Variants in DZIP3 observed in about 807,000 individuals in gnomAD.
The protein encoded by DZIP3 is DAZ interacting zinc finger protein 3, also known as E3 ubiquitin-protein ligase DZIP3.
In DZIP3, 118 loss-of-function variants were observed where a neutral mutation model predicts 162.0. The observed-to-expected ratio is 0.73, with a 90% CI of 0.63 to 0.85. The LOEUF (loss-of-function observed/expected upper bound fraction) is 0.85, where lower values mean the gene tolerates loss of function less well. DZIP3 is among the 40% of genes least tolerant of loss of function. The pLI, the probability that DZIP3 is intolerant of heterozygous loss-of-function variation, is 0.00. For synonymous variants in DZIP3, 438 were observed against 458.6 expected, an observed-to-expected ratio of 0.96 and a Z score of 0.57; for missense variants, 1,331 against 1,407.0, an observed-to-expected ratio of 0.95 and a Z score of 0.86.
At chr3:108,676,029 G>A (rs759422007) in intron 25 of DZIP3, among the ~76,000 whole-genome samples, 156 bp downstream of exon 25, 1 of 152,040 alleles carries the variant, frequency 6.6e-6, no homozygotes, top group Admixed American at 6.6e-5. Flanking sequence ...CATGTGGTTG[G>A]TTGTAGATAA....
chr3:108,639,124 A>G (rs968152694), intron 12 of DZIP3, among the ~76,000 whole-genome samples: 1 of 152,260 alleles, frequency 6.6e-6, no homozygotes, highest in Non-Finnish European at 1.5e-5. Flanking sequence ...TACTTAGATT[A>G]CAGTAGATGT....
At chr3:108,613,729 A>G (rs1940849256) in intron 4 of DZIP3, among the ~76,000 whole-genome samples, 1 of 152,180 alleles carries the variant, frequency 6.6e-6, no homozygotes, top group African/African-American at 2.4e-5. Flanking sequence ...AAAATTGGCC[A>G]TATGCTAGGT....
At chr3:108,686,759 A>G (rs773504067) in intron 28 of DZIP3, among the ~76,000 whole-genome samples, 175 bp downstream of exon 28, 1 of 152,184 alleles carries the variant, frequency 6.6e-6, no homozygotes, top group African/African-American at 2.4e-5. Flanking sequence ...ACAGTGTTCA[A>G]TGGTGAACCT....
At chr3:108,663,348 G>C (rs1943527770) in intron 21 of DZIP3, among the ~76,000 whole-genome samples, 1 of 152,072 alleles carries the variant, frequency 6.6e-6, no homozygotes, top group African/African-American at 2.4e-5. Context: ...CTTGAGGTTG[G>C]GAGTTCGAAA....
intron 5 of DZIP3, among the ~76,000 whole-genome samples, chr3:108,624,162 C>T (rs75414357): frequency 0.036 from 5,411 of 152,172 alleles, 322 homozygotes; most frequent in African/African-American, 0.12. Flanking sequence ...GTGTTGGTGA[C>T]GATTGTTGGA....
chr3:108,653,522 T>C (rs1210581242), intron 18 of DZIP3, among the ~76,000 whole-genome samples: 1 of 141,794 alleles, frequency 7.1e-6, no homozygotes, highest in African/African-American at 2.7e-5. Context: ...TATATATATA[T>C]ATATATATAT....
chr3:108,685,125 G>A (rs75989171), intron 27 of DZIP3, among the ~76,000 whole-genome samples: 2,141 of 151,980 alleles, frequency 0.014, 54 homozygotes, highest in African/African-American at 0.048. Flanking sequence ...TATTATTGTC[G>A]AGGCTACCTG....
chr3:108,679,315 G>A (rs1469332369), intron 26 of DZIP3, among the ~76,000 whole-genome samples: 2 of 152,086 alleles, frequency 1.3e-5, no homozygotes, highest in Non-Finnish European at 2.9e-5. Context: ...GACAAACATA[G>A]TCAAACCTTG....
chr3:108,620,301 A>G (rs895984795), intron 5 of DZIP3, among the ~76,000 whole-genome samples: 10 of 152,158 alleles, frequency 6.6e-5, no homozygotes, highest in Non-Finnish European at 1.3e-4. Context: ...AAAATTCCAC[A>G]CTTCCAGAAG....
At position 108,634,882 on chromosome 3, in the gene DZIP3, G is replaced by A. The variant is rs1034930283; in HGVS notation, c.828G>A (p.Gln276=). The change falls in exon 10 of 33, where the codon CAG becomes CAA. Residue 276 remains glutamine (Q), a synonymous_variant. Coordinates refer to ENST00000361582, the MANE Select transcript of DZIP3 (RefSeq NM_014648.4). ...LKNTSYKGFF[Q]LMCSKSCCVY... is the part of the protein sequence containing the mutation. ...TTATTTTTTTCCAGGGATTTTTTCA[G>A]TTAATGTGCAGTAAAAGTTGCTGTG... 3 of 1,603,228 alleles carry A rather than the reference G, an allele frequency of 1.9e-6. No homozygotes were observed. The highest frequency in any genetic ancestry group is 2.7e-5 in the African/African-American group (2 of 74,376).
chr3:108,656,764 A>T lies in DZIP3; in HGVS notation c.2199+2454A>T, dbSNP rs187426533. Among the ~76,000 whole-genome samples the T allele has an allele frequency of 3.9e-3, 588 of 152,310 alleles. 2 individuals carry two copies. The highest frequency in any genetic ancestry group is 0.01 in the Middle Eastern group (3 of 294). On this transcript the variant is annotated intron_variant, in intron 19 of 32. Coordinates refer to ENST00000361582, the MANE Select transcript of DZIP3 (RefSeq NM_014648.4). ...TTGAAAAAAATTAGACGAATGGCTA[A>T]CTAGAATAACCAATACAGAGAAGTC...
chr3:108,689,128 C>G (rs1333672462), intron 31 of DZIP3, among the ~76,000 whole-genome samples: 1 of 152,116 alleles, frequency 6.6e-6, no homozygotes, highest in Admixed American at 6.6e-5. Flanking sequence ...CTCCATCCAC[C>G]CTACAGAAGA....
Position 108,600,234 on chromosome 3 carries a change from G to C in DZIP3, c.-72-5101G>C, listed in dbSNP as rs550473462. Among the ~76,000 whole-genome samples, 3 of 152,268 alleles carry C rather than the reference G, an allele frequency of 2.0e-5. No individual in the cohort carries two copies. In the East Asian group the frequency reaches 5.8e-4, roughly 29 times the overall value. ...GTTAACAGACCCATGATCTTCTGGA[G>C]TACATTTAATTCAATGTTGAGTTAG... On this transcript the variant is annotated intron_variant, in intron 1 of 32. Transcript: ENST00000361582.
chr3:108,644,837 C>A, intron 14 of DZIP3, 56 bp downstream of exon 14: 1 of 1,517,976 alleles, frequency 6.6e-7, no homozygotes, highest in Non-Finnish European at 8.9e-7. Context: ...AATGTCTGCT[C>A]TGTGCCAGGC....
Position 108,677,069 on chromosome 3 carries a change from C to T in DZIP3, c.2782-428C>T, listed in dbSNP as rs370651760. On this transcript the variant is annotated intron_variant, in intron 25 of 32. Coordinates refer to ENST00000361582, the MANE Select transcript of DZIP3 (RefSeq NM_014648.4). ...AAGTAATCTCTAAAATTTTTCCTTC[C>T]GTTTTTAAAATGAACATTTGCAAGT... 7.8e-4 allele frequency among the ~76,000 whole-genome samples: 119 copies of T among 152,120 alleles called. No individual in the cohort carries two copies. In the South Asian group the frequency reaches 0.017, roughly 22 times the overall value.
chr3:108,626,109 G>C, intron 7 of DZIP3, 140 bp downstream of exon 7: 1 of 997,996 alleles, frequency 1.0e-6, no homozygotes, highest in East Asian at 2.7e-5. Context: ...TATTTGTATA[G>C]ATAATTTCTT....
rs1431426486 is a variant in DZIP3, at chr3:108,693,793, A to T, written c.*440A>T. On this transcript the variant is annotated 3_prime_UTR_variant, in exon 33 of 33. Transcript: ENST00000361582. ...CTTAATCATTTGCATTTTGGAGAAAATTTTTTCTGCTTTAAAAGTCTGTAA... is the reference window on the plus strand; with the variant it reads ...CTTAATCATTTGCATTTTGGAGAAATTTTTTTCTGCTTTAAAAGTCTGTAA... The T allele has an allele frequency of 6.6e-6, 1 of 151,968 alleles. No individual in the cohort carries two copies. The highest frequency in any genetic ancestry group is 2.4e-5 in the African/African-American group (1 of 41,446). 9.4% of individuals were successfully genotyped at this position (151,968 alleles called of 1,614,324 possible).
At chr3:108,655,565 C>T (rs186199492) in intron 19 of DZIP3, among the ~76,000 whole-genome samples, 23 of 152,228 alleles carry the variant, frequency 1.5e-4, no homozygotes, top group Non-Finnish European at 2.2e-4. Flanking sequence ...CAGCTCCCAC[C>T]GTGAGCGATG....
intron 7 of DZIP3, among the ~76,000 whole-genome samples, chr3:108,628,621 C>T (rs59028088): frequency 0.019 from 2,890 of 152,254 alleles, 98 homozygotes; most frequent in African/African-American, 0.066. Context: ...CAGTTTGTTT[C>T]ACTTTATGAT....
Sources: gnomAD v4.1 joint callset for allele counts (sites outside exome capture counted in the v4.1 genomes callset) on GRCh38, gnomAD v4.1.1 for gene constraint, MANE v1.5 for transcripts, NCBI Gene and HGNC (gene_info 2026-07-23, HGNC 2026-07-21) for gene names.